TRPM8: variants seen among roughly 807,000 people sequenced by gnomAD.
The protein encoded by TRPM8 is TRPM8 cationic channel.
A neutral mutation model predicts 133.7 loss-of-function variants in TRPM8; 110 were observed. That is an observed-to-expected ratio of 0.82 (90% CI 0.70 to 0.96). The LOEUF (loss-of-function observed/expected upper bound fraction) is 0.96, where lower values mean the gene tolerates loss of function less well. Ranked by LOEUF, TRPM8 falls within the 40% of genes least tolerant of loss-of-function variation. TRPM8 has a pLI of 0.00. For synonymous variants in TRPM8, 535 were observed against 532.3 expected, an observed-to-expected ratio of 1.01 and a Z score of -0.07; for missense variants, 1,291 against 1,379.5, an observed-to-expected ratio of 0.94 and a Z score of 1.02.
intron 21 of TRPM8, among the ~76,000 whole-genome samples, chr2:233,990,566 C>G (rs1415666109): frequency 2.0e-5 from 3 of 152,156 alleles, no homozygotes; most frequent in Admixed American, 6.5e-5. Context: ...TTTTAAATCT[C>G]CACCTGGGGG....
At chr2:233,941,494 A>G (rs1476521130) in intron 5 of TRPM8, among the ~76,000 whole-genome samples, 1 of 152,272 alleles carries the variant, frequency 6.6e-6, no homozygotes, top group African/African-American at 2.4e-5. Flanking sequence ...CTCATTTCTG[A>G]GGCCGTAGTA....
chr2:233,923,395 C>T (rs1414289361), intron 1 of TRPM8, among the ~76,000 whole-genome samples: 1 of 152,168 alleles, frequency 6.6e-6, no homozygotes, highest in African/African-American at 2.4e-5. Context: ...CAGTGTTCTC[C>T]ATGGCTCCTC....
chr2:233,960,912 A>G lies in TRPM8; in HGVS notation c.1499A>G (p.His500Arg). The change falls in exon 12 of 26, where the codon CAC (histidine) becomes CGC (arginine). Residue 500 changes from histidine to arginine, a missense_variant. Around this residue, in one of 2 missense-constraint regions of TRPM8, gnomAD observed 963 missense variants for 968.9 expected, o/e 0.99. Transcript: ENST00000324695. ...GTCCTCACTGAACTCTTCTCCAACC[A>G]CTTCAGCACGCTTGTGTACCGGAAT... ...HDVLTELFSN[H>R]FSTLVYRNLQ... The G allele has an allele frequency of 6.2e-7, 1 of 1,614,072 alleles. No homozygotes were observed. Among genetic ancestry groups the G allele is most frequent in the Non-Finnish European group, 8.5e-7 (1 of 1,180,030 alleles).
At chr2:233,975,372 G>A (rs1691843101) in intron 17 of TRPM8, among the ~76,000 whole-genome samples, 1 of 152,156 alleles carries the variant, frequency 6.6e-6, no homozygotes, top group South Asian at 2.1e-4. Flanking sequence ...CAGCCCCACA[G>A]CCAGGAGCTC....
chr2:233,939,998 A>G (rs1443469409), intron 5 of TRPM8, among the ~76,000 whole-genome samples: 2 of 151,856 alleles, frequency 1.3e-5, no homozygotes, highest in East Asian at 1.9e-4. Context: ...AAGGTCCTTT[A>G]GAGTAAACAT....
chr2:233,941,115 A>G (rs1361587100), intron 5 of TRPM8, among the ~76,000 whole-genome samples: 1 of 152,230 alleles, frequency 6.6e-6, no homozygotes, highest in East Asian at 1.9e-4. Flanking sequence ...GCAGCTCCCT[A>G]GTTCCTGAAA....
intron 1 of TRPM8, among the ~76,000 whole-genome samples, chr2:233,917,832 T>G (rs1691332363): frequency 6.6e-6 from 1 of 152,214 alleles, no homozygotes; most frequent in South Asian, 2.1e-4. Flanking sequence ...AAGTTTTTTC[T>G]TGAATCAAGA....
intron 11 of TRPM8, among the ~76,000 whole-genome samples, chr2:233,957,362 A>G (rs1055686162): frequency 3.3e-5 from 5 of 151,758 alleles, no homozygotes; most frequent in South Asian, 2.1e-4. Context: ...GGTGGCACAT[A>G]CCCGTAGTCC....
chr2:233,919,823 G>A (rs1691372923), intron 1 of TRPM8, among the ~76,000 whole-genome samples: 1 of 152,138 alleles, frequency 6.6e-6, no homozygotes. Flanking sequence ...GTAATGTTCA[G>A]ACATTCAAGT....
chr2:233,973,458 A>G (rs1256502284), intron 17 of TRPM8, among the ~76,000 whole-genome samples: 1 of 152,098 alleles, frequency 6.6e-6, no homozygotes, highest in Non-Finnish European at 1.5e-5. Context: ...CCCTGTCCTC[A>G]TGGGTGACTC....
At chr2:233,985,466 T>C (rs1340724115) in intron 20 of TRPM8, among the ~76,000 whole-genome samples, 1 of 148,600 alleles carries the variant, frequency 6.7e-6, no homozygotes, top group African/African-American at 2.5e-5. Context: ...TCCTTTTATC[T>C]TGATCTTAAC....
intron 8 of TRPM8, among the ~76,000 whole-genome samples, chr2:233,949,122 G>A (rs561242961): frequency 6.6e-6 from 1 of 152,230 alleles, no homozygotes; most frequent in African/African-American, 2.4e-5. Flanking sequence ...ACACACCCAC[G>A]ACCACCTGTG....
intron 6 of TRPM8, among the ~76,000 whole-genome samples, chr2:233,944,386 G>A (rs1347475801): frequency 6.6e-6 from 1 of 152,178 alleles, no homozygotes; most frequent in Admixed American, 6.5e-5. Flanking sequence ...CAGTGCATAT[G>A]TTAATTCACA....
chr2:233,993,800 G>T (rs1470777237), intron 21 of TRPM8, among the ~76,000 whole-genome samples: 1 of 152,154 alleles, frequency 6.6e-6, no homozygotes, highest in African/African-American at 2.4e-5. Context: ...CATCCTGGAA[G>T]TTTCTCTTTT....
At chr2:234,006,464 T>A (rs1276693106) in intron 22 of TRPM8, among the ~76,000 whole-genome samples, 3 of 152,180 alleles carry the variant, frequency 2.0e-5, no homozygotes, top group African/African-American at 7.2e-5. Context: ...AGTACACAAT[T>A]CATCAGCAAT....
At chr2:233,948,001 T>C (rs1691086141) in intron 8 of TRPM8, among the ~76,000 whole-genome samples, 1 of 152,224 alleles carries the variant, frequency 6.6e-6, no homozygotes, top group Non-Finnish European at 1.5e-5. Flanking sequence ...AGCTCATTTT[T>C]CTAGGAATAG....
intron 5 of TRPM8, among the ~76,000 whole-genome samples, chr2:233,941,379 C>CGTGAGA (rs2125097503): frequency 6.6e-6 from 1 of 152,186 alleles, no homozygotes; most frequent in South Asian, 2.1e-4. Context: ...ATTTATGCCC[C>CGTGAGA]GTGAGAGCTG....
intron 9 of TRPM8, chr2:233,953,657 C>T: frequency 3.3e-6 from 1 of 305,796 alleles, no homozygotes. Flanking sequence ...CACACACACA[C>T]ACACAGCACC....
At chr2:233,960,074 G>A (rs1268657224) in intron 11 of TRPM8, among the ~76,000 whole-genome samples, 2 of 151,692 alleles carry the variant, frequency 1.3e-5, no homozygotes, top group East Asian at 1.9e-4. Context: ...AAGATTATCC[G>A]TAAGTTCCTA....
Sources: allele counts gnomAD v4.1 joint callset (sites outside exome capture counted in the v4.1 genomes callset), GRCh38; gene constraint gnomAD v4.1.1; regional missense constraint gnomAD v4.1.1; transcripts MANE v1.5; gene names NCBI Gene and HGNC (gene_info 2026-07-23, HGNC 2026-07-21).